The following TRPM2 variants were observed in gnomAD, a reference collection of about 807,000 sequenced individuals.
TRPM2 encodes the protein transient receptor potential cation channel subfamily M member 2.
TRPM2 carries 161 observed loss-of-function variants against 174.0 expected under a neutral mutation model. The ratio of observed to expected loss-of-function variants is 0.93; its 90% confidence interval spans 0.81 to 1.05. The LOEUF (loss-of-function observed/expected upper bound fraction) is 1.05. Among genes scored for constraint, TRPM2 ranks in the 50% least tolerant of loss-of-function variants. The pLI is 0.00. For synonymous variants in TRPM2, 954 were observed against 861.3 expected (o/e 1.11, Z -1.88); for missense variants, 2,057 against 2,038.0 (o/e 1.01, Z -0.18).
chr21:44,405,222 C>T lies in TRPM2; in HGVS notation c.2619C>T (p.Val873=), dbSNP rs149066607. 1.9e-3 allele frequency: 3,027 copies of T among 1,613,376 alleles called. 29 individuals are homozygous for T. In the African/African-American group the frequency reaches 0.019, roughly 10 times the overall value. ...GTGACTTCTGGAATAAGCTGGACGTCGGCGCAATCTTGCTCTTCGTGGCAG... is the reference window on the plus strand; with the variant it reads ...GTGACTTCTGGAATAAGCTGGACGTTGGCGCAATCTTGCTCTTCGTGGCAG... The part of the protein sequence containing the change: ...YFSDFWNKLD[V]GAILLFVAGL... The change falls in exon 17 of 32, where the codon GTC becomes GTT. Residue 873 remains valine (V), a synonymous_variant. Coordinates refer to ENST00000397928, the MANE Select transcript of TRPM2 (RefSeq NM_003307.4).
intron 24 of TRPM2, 129 bp downstream of exon 24, chr21:44,425,068 T>G: frequency 1.2e-6 from 1 of 841,276 alleles, no homozygotes; most frequent in African/African-American, 1.7e-5. Flanking sequence ...CTGCAGCCTG[T>G]TCCAGGCAGG....
intron 11 of TRPM2, among the ~76,000 whole-genome samples, chr21:44,392,790 C>G (rs1010734079): frequency 6.6e-6 from 1 of 152,112 alleles, no homozygotes; most frequent in Non-Finnish European, 1.5e-5. Context: ...GAGCGTGATC[C>G]CCCTGCCCTG....
At chr21:44,380,708 G>C (rs923365970) in intron 8 of TRPM2, among the ~76,000 whole-genome samples, 1 of 152,308 alleles carries the variant, frequency 6.6e-6, no homozygotes, top group Non-Finnish European at 1.5e-5. Flanking sequence ...AGCTACCCTC[G>C]GGTGCTGCTG....
At chr21:44,360,980 TC>T (rs2048192024) in intron 2 of TRPM2, among the ~76,000 whole-genome samples, 1 of 152,034 alleles carries the variant, frequency 6.6e-6, no homozygotes, top group African/African-American at 2.4e-5. Context: ...GCTCACCTTC[TC>T]CCCCATCATC....
In TRPM2 at chr21:44,366,679, C is replaced by T. The variant is rs1349747701; in HGVS notation, c.424-75C>T. 1 of 1,603,466 alleles carries T rather than the reference C, an allele frequency of 6.2e-7. No individual in the cohort carries two copies. Among genetic ancestry groups the T allele is most frequent in the Non-Finnish European group, 8.5e-7 (1 of 1,175,012 alleles). On this transcript the variant is annotated intron_variant, in intron 3 of 31. Coordinates refer to ENST00000397928, the MANE Select transcript of TRPM2 (RefSeq NM_003307.4). The surrounding 1 kb of genome is among the most constrained non-coding windows in gnomAD (Gnocchi z 6.0). ...TCTGCCGCCCGCTGGGGCCTCTCTGCATGGCCTGTGTGGGTCGGTGCTGTC... is the reference window on the plus strand; with the variant it reads ...TCTGCCGCCCGCTGGGGCCTCTCTGTATGGCCTGTGTGGGTCGGTGCTGTC...
chr21:44,416,633 C>A, intron 20 of TRPM2: 1 of 188,052 alleles, frequency 5.3e-6, no homozygotes. Context: ...AGTCTGTGTG[C>A]TTCTCCTTTT....
chr21:44,406,723 T>A lies in TRPM2; in HGVS notation c.2920T>A (p.Ser974Thr). 6.2e-7 allele frequency: 1 copy of A among 1,608,206 alleles called. No homozygotes were observed. Among genetic ancestry groups the A allele is most frequent in the Non-Finnish European group, 8.5e-7 (1 of 1,178,924 alleles). ...DWLFRGAVYH[S>T]YLTIFGQIPG... ...GCTGTTCCGAGGGGCCGTCTACCAC[T>A]CCTACCTCACCATCTTCGGGCAGAT... The change falls in exon 19 of 32, where the codon TCC (serine) becomes ACC (threonine). Residue 974 changes from serine to threonine, a missense_variant. Transcript: ENST00000397928.
chr21:44,402,042 A>C, intron 16 of TRPM2, 145 bp downstream of exon 16: 3 of 932,048 alleles, frequency 3.2e-6, no homozygotes, highest in Non-Finnish European at 5.0e-6. Context: ...TCCTCCCCAA[A>C]ATGGGTGGCT....
intron 30 of TRPM2, among the ~76,000 whole-genome samples, chr21:44,440,111 T>C (rs183366830): frequency 0.097 from 14,550 of 150,570 alleles, 2,033 homozygotes; most frequent in African/African-American, 0.3. Context: ...CTGAGGTGGG[T>C]AGATCACTTG....
At chr21:44,370,162 G>A (rs936388646) in intron 5 of TRPM2, among the ~76,000 whole-genome samples, 2 of 152,100 alleles carry the variant, frequency 1.3e-5, no homozygotes, top group Non-Finnish European at 2.9e-5. Flanking sequence ...ACAGTCACTC[G>A]CTGCGAGGGT....
rs201969615 is a variant in TRPM2, at chr21:44,418,071, G to A, written c.3291G>A (p.Val1097=). The A allele has an allele frequency of 2.7e-5, 43 of 1,612,918 alleles. 1 individual carries two copies. The African/African-American group carries it at 4.5e-4, about 17-fold the overall frequency. ...LSHLQLFIKR[V]VLKTPAKRHK... ...ACCTGCAGCTCTTCATCAAGAGGGT[G>A]GTCCTGAAGACTCCGGCCAAGAGGC... The change falls in exon 21 of 32, where the codon GTG becomes GTA. Residue 1097 remains valine, a synonymous_variant. Transcript: ENST00000397928.
chr21:44,409,650 A>C (rs1038633391), intron 19 of TRPM2, among the ~76,000 whole-genome samples: 1 of 131,036 alleles, frequency 7.6e-6, no homozygotes, highest in African/African-American at 3.0e-5. Context: ...GCCTTGTAGT[A>C]AGTTTTGACT....
At chr21:44,398,709 C>T (rs762221586) in intron 13 of TRPM2, among the ~76,000 whole-genome samples, 5 of 152,074 alleles carry the variant, frequency 3.3e-5, no homozygotes, top group South Asian at 2.1e-4. Flanking sequence ...GATCTCCAGT[C>T]GGGGTGGCGT....
intron 30 of TRPM2, 73 bp from the exon 31 acceptor site, chr21:44,440,716 G>A (rs944269455): frequency 1.5e-6 from 2 of 1,298,558 alleles, no homozygotes; most frequent in African/African-American, 2.9e-5. Context: ...GGTCAGGGTG[G>A]AGGGCACGAG....
chr21:44,377,943 G>C (rs2048755573), intron 7 of TRPM2, among the ~76,000 whole-genome samples, 170 bp downstream of exon 7: 1 of 152,282 alleles, frequency 6.6e-6, no homozygotes, highest in African/African-American at 2.4e-5. Flanking sequence ...GCTTCTGGGT[G>C]GGTGGAGGAC....
Position 44,354,662 on chromosome 21 carries a change from T to C in TRPM2, c.180T>C (p.Ser60=), listed in dbSNP as rs1172682861. The C allele has an allele frequency of 6.2e-7, 1 of 1,614,202 alleles. No homozygotes were observed. The highest frequency in any genetic ancestry group is 1.7e-5 in the Admixed American group (1 of 60,026). Residue 60 remains serine, a synonymous_variant, in exon 2 of 32, where the codon AGT becomes AGC. Coordinates refer to ENST00000397928, the MANE Select transcript of TRPM2 (RefSeq NM_003307.4). This position sits in a 1 kb window ranked among gnomAD's most constrained non-coding sequence, Gnocchi z 4.3. ...TTTACCTTCAGCAAGAAAGCCTCAG[T>C]TCGTGGATTCCTGAAAACATCAAGA... is the stretch of plus-strand genomic sequence containing the variant. ...FGNNDKQESL[S]SWIPENIKKK...
chr21:44,353,952 G>A (rs1385528790), intron 1 of TRPM2, 87 bp downstream of exon 1: 16 of 1,487,482 alleles, frequency 1.1e-5, no homozygotes, highest in Non-Finnish European at 1.3e-5. Flanking sequence ...TGTGACGACG[G>A]GGGTGGGAAA....
chr21:44,376,077 G>A lies in TRPM2; in HGVS notation c.952+64G>A, dbSNP rs982044224. On this transcript the variant is annotated intron_variant, in intron 6 of 31. Coordinates refer to ENST00000397928, the MANE Select transcript of TRPM2 (RefSeq NM_003307.4). The surrounding 1 kb of genome is among the most constrained non-coding windows in gnomAD (Gnocchi z 4.2). ...CACAGTGGGCTGGTCAGAGTGTCAG[G>A]TACAGCTGGTCACGACCAGGACGTT... 3.1e-5 allele frequency: 48 copies of A among 1,563,758 alleles called. No homozygotes were observed. The highest frequency in any genetic ancestry group is 4.1e-5 in the Non-Finnish European group (47 of 1,148,958).
chr21:44,373,339 A>C (rs2048596288), intron 5 of TRPM2, among the ~76,000 whole-genome samples: 1 of 151,844 alleles, frequency 6.6e-6, no homozygotes, highest in Non-Finnish European at 1.5e-5. Context: ...GGCACCCACC[A>C]CCATGCCCAG....
Sources: allele counts gnomAD v4.1 joint callset (sites outside exome capture counted in the v4.1 genomes callset), GRCh38; gene constraint gnomAD v4.1.1; non-coding constraint Gnocchi (gnomAD v3.1); transcripts MANE v1.5; gene names NCBI Gene and HGNC (gene_info 2026-07-23, HGNC 2026-07-21).